The following NME7 variants were observed in gnomAD, a reference collection of about 807,000 sequenced individuals.
The protein encoded by NME7 is NME/NM23 family member 7, also known as nucleoside diphosphate kinase 7.
A neutral mutation model predicts 49.1 loss-of-function variants in NME7; 41 were observed. The ratio of observed to expected loss-of-function variants is 0.83; its 90% CI spans 0.65 to 1.08. The LOEUF (loss-of-function observed/expected upper bound fraction) is 1.08. Among genes scored for constraint, NME7 ranks in the 50% least tolerant of loss-of-function variants. NME7 has a pLI of 0.00. For missense variants in NME7, 423 were observed against 463.4 expected (o/e 0.91, Z 0.80); for synonymous variants, 139 against 150.6 (o/e 0.92, Z 0.56).
intron 10 of NME7, among the ~76,000 whole-genome samples, chr1:169,175,498 A>T (rs1401810037): frequency 6.6e-6 from 1 of 152,216 alleles, no homozygotes; most frequent in African/African-American, 2.4e-5. Flanking sequence ...ACTTTAATAC[A>T]AGTGGCAGCA....
intron 7 of NME7, among the ~76,000 whole-genome samples, chr1:169,283,233 T>C (rs918291083): frequency 2.0e-5 from 3 of 152,168 alleles, no homozygotes; most frequent in South Asian, 2.1e-4. Flanking sequence ...TCTTTGTTGG[T>C]TTAAAGTCTG....
intron 6 of NME7, among the ~76,000 whole-genome samples, chr1:169,297,710 A>T (rs1459932833): frequency 6.6e-6 from 1 of 152,222 alleles, no homozygotes; most frequent in African/African-American, 2.4e-5. Flanking sequence ...GGTTTTCAGC[A>T]GGTGAATGTT....
intron 5 of NME7, 76 bp from the exon 6 acceptor site, chr1:169,298,839 T>C (rs12116683): frequency 0.3 from 334,745 of 1,120,084 alleles, 56,251 homozygotes; most frequent in Non-Finnish European, 0.35. Context: ...AGGATATATT[T>C]AAATTGGATT....
chr1:169,329,972 G>A (rs1652194737), intron 1 of NME7, among the ~76,000 whole-genome samples: 2 of 152,072 alleles, frequency 1.3e-5, no homozygotes, highest in South Asian at 2.1e-4. Flanking sequence ...AAACAATGGA[G>A]CTCCAATACA....
chr1:169,147,459 TG>T (rs1658790432), intron 11 of NME7, among the ~76,000 whole-genome samples: 1 of 152,212 alleles, frequency 6.6e-6, no homozygotes, highest in Admixed American at 6.5e-5. Context: ...TCTAGCTGTG[TG>T]GCCCTGGGGA....
chr1:169,340,281 C>A (rs942408533), intron 1 of NME7, among the ~76,000 whole-genome samples: 2 of 152,132 alleles, frequency 1.3e-5, no homozygotes, highest in Non-Finnish European at 2.9e-5. Context: ...TTAAAAGTGG[C>A]AGTTTCCCCT....
At chr1:169,204,785 C>A (rs952066487) in intron 10 of NME7, among the ~76,000 whole-genome samples, 13 of 152,014 alleles carry the variant, frequency 8.6e-5, no homozygotes. Flanking sequence ...GCCTTGACTA[C>A]CACTACATTT....
intron 11 of NME7, among the ~76,000 whole-genome samples, chr1:169,146,121 A>T (rs1040526101): frequency 5.3e-5 from 8 of 152,140 alleles, no homozygotes; most frequent in African/African-American, 1.9e-4. Flanking sequence ...AGTGTCTATT[A>T]TTTCCCTATG....
chr1:169,133,325 TA>T (rs1325045248), intron 11 of NME7, among the ~76,000 whole-genome samples: 4 of 152,228 alleles, frequency 2.6e-5, no homozygotes, highest in Non-Finnish European at 4.4e-5. Context: ...ATGCCCACAC[TA>T]AAATCAGGGC....
At chr1:169,366,537 C>T (rs1312270778) in intron 1 of NME7, among the ~76,000 whole-genome samples, 3 of 151,818 alleles carry the variant, frequency 2.0e-5, no homozygotes, top group Non-Finnish European at 4.4e-5. Context: ...AGGCTGAACG[C>T]ACAGGAAAGA....
chr1:169,133,777 T>C lies in NME7; in HGVS notation c.1099-960A>G, dbSNP rs905300939. Among the ~76,000 whole-genome samples, 5 of 152,292 alleles carry C rather than the reference T, an allele frequency of 3.3e-5. No individual in the cohort carries two copies. In the East Asian group the frequency reaches 7.7e-4, roughly 23 times the overall value. On this transcript the variant is annotated intron_variant, in intron 11 of 11. Coordinates refer to ENST00000367811, the MANE Select transcript of NME7 (RefSeq NM_013330.5). ...TCAAAGTAACCCACATTTATGGAAA[T>C]AGAAGTTTGTCTTGCAGAAACATCA...
intron 10 of NME7, among the ~76,000 whole-genome samples, chr1:169,194,693 C>G (rs185005188): frequency 7.6e-4 from 116 of 152,254 alleles, no homozygotes; most frequent in African/African-American, 2.7e-3. Flanking sequence ...GATCTTTAAA[C>G]TAAATTTGTT....
intron 11 of NME7, among the ~76,000 whole-genome samples, chr1:169,163,518 A>G (rs1003442202): frequency 1.3e-5 from 2 of 152,180 alleles, no homozygotes; most frequent in Non-Finnish European, 2.9e-5. Flanking sequence ...TAAGGAGAAA[A>G]CTAAATGCAA....
chr1:169,165,298 AAAATAAAT>A (rs150919885), intron 11 of NME7, among the ~76,000 whole-genome samples: 3,842 of 150,400 alleles, frequency 0.026, 139 homozygotes, highest in African/African-American at 0.086. Flanking sequence ...GTTTGCTATA[AAAATAAAT>A]AAATAAATAA....
chr1:169,355,037 T>TAA (rs1226260686), intron 1 of NME7, among the ~76,000 whole-genome samples: 17 of 73,070 alleles, frequency 2.3e-4, no homozygotes, highest in East Asian at 1.2e-3. Flanking sequence ...ATATTATATA[T>TAA]TATAGATATA....
At chr1:169,150,737 TATG>T (rs1658889302) in intron 11 of NME7, among the ~76,000 whole-genome samples, 2 of 141,852 alleles carry the variant, frequency 1.4e-5, no homozygotes, top group South Asian at 4.4e-4. Context: ...AGAGGGTTTA[TATG>T]ATGAGAAGAG....
chr1:169,318,999 A>C (rs549157973), intron 3 of NME7, among the ~76,000 whole-genome samples: 79 of 151,740 alleles, frequency 5.2e-4, no homozygotes, highest in Middle Eastern at 3.4e-3. Context: ...GAAGAGGTAC[A>C]TTTTTTGTAT....
chr1:169,275,307 C>A (rs1649660710), intron 7 of NME7, among the ~76,000 whole-genome samples: 1 of 128,328 alleles, frequency 7.8e-6, no homozygotes. Context: ...GAAACCCCGT[C>A]TCTACTAAAA....
chr1:169,136,694 AT>A, intron 11 of NME7, among the ~76,000 whole-genome samples: 1 of 152,348 alleles, frequency 6.6e-6, no homozygotes, highest in Middle Eastern at 3.4e-3. Context: ...TACCTATAAG[AT>A]TAAGTTGAAG....
Sources: allele counts gnomAD v4.1 joint callset (sites outside exome capture counted in the v4.1 genomes callset), GRCh38; gene constraint gnomAD v4.1.1; transcripts MANE v1.5; gene names NCBI Gene and HGNC (gene_info 2026-07-23, HGNC 2026-07-21).